Variants in DLG2 observed in about 807,000 individuals in gnomAD.
DLG2 encodes the protein discs large MAGUK scaffold protein 2, also known as disks large homolog 2.
DLG2 carries 45 observed loss-of-function variants against 132.5 expected under a neutral mutation model. The observed-to-expected ratio is 0.34, with a 90% CI of 0.27 to 0.44. DLG2 has a LOEUF of 0.44. Ranked by LOEUF, DLG2 falls within the 20% of genes least tolerant of loss-of-function variation. The pLI is 1.00. For missense variants in DLG2, 1,045 were observed against 1,196.9 expected, an observed-to-expected ratio of 0.87 and a Z score of 1.87; for synonymous variants, 424 against 419.6, an observed-to-expected ratio of 1.01 and a Z score of -0.13.
At chr11:83,804,617 CT>C (rs1195771384) in intron 17 of DLG2, among the ~76,000 whole-genome samples, 5 of 147,328 alleles carry the variant, frequency 3.4e-5, no homozygotes, top group African/African-American at 1.0e-4. Flanking sequence ...CAGACACACA[CT>C]TTTTCTGAAC....
chr11:84,848,963 T>C (rs2081853646), intron 6 of DLG2, among the ~76,000 whole-genome samples: 1 of 152,238 alleles, frequency 6.6e-6, no homozygotes, highest in Non-Finnish European at 1.5e-5. Context: ...GTGCCAGCTC[T>C]AGGCCTATGC....
At chr11:84,989,939 A>T (rs1360833089) in intron 6 of DLG2, among the ~76,000 whole-genome samples, 1 of 152,240 alleles carries the variant, frequency 6.6e-6, no homozygotes, top group East Asian at 1.9e-4. Flanking sequence ...GGACATCTAA[A>T]CCTAGCATTA....
At chr11:84,041,908 G>A (rs2096093910) in intron 11 of DLG2, among the ~76,000 whole-genome samples, 1 of 151,990 alleles carries the variant, frequency 6.6e-6, no homozygotes, top group Middle Eastern at 3.4e-3. Context: ...TGAGTCTCAT[G>A]AGATCTGATG....
intron 6 of DLG2, among the ~76,000 whole-genome samples, chr11:84,979,635 G>A (rs925320539): frequency 2.0e-5 from 3 of 151,116 alleles, no homozygotes; most frequent in Admixed American, 1.3e-4. Context: ...GAAGGGGAAC[G>A]TCACACACCA....
Position 84,976,888 on chromosome 11 carries a change from T to C in DLG2, c.357+134773A>G, listed in dbSNP as rs80113387. On this transcript the variant is annotated intron_variant, in intron 6 of 27. Transcript: ENST00000376104. ...CTCTGTAAATAAGGAAAGAAATCTGTGCTTTGGAACACATATCTCCTGTTT... is the reference window on the plus strand; with the variant it reads ...CTCTGTAAATAAGGAAAGAAATCTGCGCTTTGGAACACATATCTCCTGTTT... Among the ~76,000 whole-genome samples, 102 of 152,306 alleles carry C rather than the reference T, an allele frequency of 6.7e-4. 1 individual carries two copies. The highest frequency in any genetic ancestry group is 2.4e-3 in the African/African-American group (98 of 41,576).
chr11:84,508,524 T>A (rs538916139), intron 7 of DLG2, among the ~76,000 whole-genome samples: 71 of 150,546 alleles, frequency 4.7e-4, no homozygotes, highest in African/African-American at 1.7e-3. Context: ...TGCCTCAGCC[T>A]CCCAAGTAGC....
chr11:84,919,253 C>T (rs557635094), intron 6 of DLG2, among the ~76,000 whole-genome samples: 10 of 152,230 alleles, frequency 6.6e-5, no homozygotes, highest in Non-Finnish European at 8.8e-5. Context: ...ATCTAACTTA[C>T]TGCTTATAAC....
chr11:84,917,466 G>C (rs2092540412), intron 6 of DLG2, among the ~76,000 whole-genome samples: 1 of 152,174 alleles, frequency 6.6e-6, no homozygotes, highest in African/African-American at 2.4e-5. Context: ...ACTTGGTTTA[G>C]AAGGTGACTT....
Position 84,363,880 on chromosome 11 carries a change from G to T in DLG2, c.520-112589C>A, listed in dbSNP as rs78233847. ...GTTCCATGATCTATATCTCTGTTTTGGTACCAGTACCATGCTGTTTTGGTT... is the reference window on the plus strand; with the variant it reads ...GTTCCATGATCTATATCTCTGTTTTTGTACCAGTACCATGCTGTTTTGGTT... On this transcript the variant is annotated intron_variant, in intron 7 of 27. Coordinates refer to ENST00000376104, the MANE Select transcript of DLG2 (RefSeq NM_001142699.3). Among the ~76,000 whole-genome samples, 8 of 152,068 alleles carry T rather than the reference G, an allele frequency of 5.3e-5. No individual in the cohort carries two copies. The East Asian group carries it at 1.4e-3, about 26-fold the overall frequency.
At chr11:84,206,645 T>C (rs2096669291) in intron 8 of DLG2, among the ~76,000 whole-genome samples, 1 of 152,034 alleles carries the variant, frequency 6.6e-6, no homozygotes, top group Admixed American at 6.6e-5. Flanking sequence ...AAAATTCATA[T>C]AGTCATCTCA....
Position 83,856,665 on chromosome 11 carries a change from T to G in DLG2, c.1565+17755A>C, listed in dbSNP as rs1595514210. 2.0e-5 allele frequency among the ~76,000 whole-genome samples: 3 copies of G among 152,182 alleles called. No individual in the cohort carries two copies. In the East Asian group the frequency reaches 5.8e-4, roughly 29 times the overall value. ...TAAACTTTTCATGTCCTTTGCCCAC[T>G]TTTTAATGGGGTTGTTTGTCTTTTT... On this transcript the variant is annotated intron_variant, in intron 16 of 27. Coordinates refer to ENST00000376104, the MANE Select transcript of DLG2 (RefSeq NM_001142699.3).
chr11:83,717,226 A>C (rs968482419), intron 18 of DLG2, among the ~76,000 whole-genome samples: 2 of 152,206 alleles, frequency 1.3e-5, no homozygotes, highest in Non-Finnish European at 2.9e-5. Context: ...TCCCTAAAAA[A>C]CGACCACCAA....
chr11:84,714,617 T>TCTCTCTC (rs2060938628), intron 6 of DLG2, among the ~76,000 whole-genome samples: 2 of 96,640 alleles, frequency 2.1e-5, no homozygotes, highest in African/African-American at 8.8e-5. Flanking sequence ...CTCTTTCTCT[T>TCTCTCTC]TCTCTTTCTC....
At chr11:85,116,853 G>A (rs1233955884) in intron 5 of DLG2, among the ~76,000 whole-genome samples, 2 of 151,966 alleles carry the variant, frequency 1.3e-5, no homozygotes, top group Non-Finnish European at 2.9e-5. Flanking sequence ...AAAGTTAGAT[G>A]ACTAAAGATT....
At chr11:84,797,292 G>T (rs1212811474) in intron 6 of DLG2, among the ~76,000 whole-genome samples, 1 of 152,102 alleles carries the variant, frequency 6.6e-6, no homozygotes, top group Non-Finnish European at 1.5e-5. Flanking sequence ...GAAGTTCTCT[G>T]TTACTATCTC....
At chr11:83,823,344 C>G (rs544712182) in intron 17 of DLG2, among the ~76,000 whole-genome samples, 2 of 152,100 alleles carry the variant, frequency 1.3e-5, no homozygotes, top group Admixed American at 1.3e-4. Flanking sequence ...TCCTTGCTAC[C>G]CAAATTTTTT....
chr11:85,061,986 T>G (rs1006584705), intron 6 of DLG2, among the ~76,000 whole-genome samples: 5 of 151,738 alleles, frequency 3.3e-5, no homozygotes, highest in Non-Finnish European at 5.9e-5. Flanking sequence ...CATGGCTCAG[T>G]TGAAAAATTT....
chr11:85,341,152 T>A lies in DLG2; in HGVS notation c.41-55787A>T, dbSNP rs2082470453. Among the ~76,000 whole-genome samples the A allele has an allele frequency of 2.0e-5, 3 of 152,004 alleles. 1 individual carries two copies. The South Asian group carries it at 6.2e-4, about 32-fold the overall frequency. Reference sequence around the variant, plus strand: ...TTTGTTTTTTGAGACAGAGCCTCACTCTGTCGCCCAGGCTGGAGTGTAGTG... The same window carrying A: ...TTTGTTTTTTGAGACAGAGCCTCACACTGTCGCCCAGGCTGGAGTGTAGTG... On this transcript the variant is annotated intron_variant, in intron 3 of 27. Transcript: ENST00000376104.
intron 6 of DLG2, among the ~76,000 whole-genome samples, chr11:84,559,908 T>C (rs943456598): frequency 6.6e-6 from 1 of 152,140 alleles, no homozygotes; most frequent in African/African-American, 2.4e-5. Flanking sequence ...TGCTCTAACA[T>C]ATGGCACATG....
Sources: allele counts gnomAD v4.1 joint callset (sites outside exome capture counted in the v4.1 genomes callset), GRCh38; gene constraint gnomAD v4.1.1; transcripts MANE v1.5; gene names NCBI Gene and HGNC (gene_info 2026-07-23, HGNC 2026-07-21).